SHROOM3: variants seen among roughly 807,000 people sequenced by gnomAD.
SHROOM3 encodes the protein protein Shroom3.
SHROOM3 carries 47 observed loss-of-function variants against 138.6 expected under a neutral mutation model. The ratio of observed to expected loss-of-function variants is 0.34; its 90% CI spans 0.27 to 0.43. The LOEUF is 0.43. Among genes scored for constraint, SHROOM3 ranks in the 20% least tolerant of loss-of-function variants. The pLI is 1.00. For synonymous variants in SHROOM3, 1,062 were observed against 1,063.3 expected, an observed-to-expected ratio of 1.00 and a Z score of 0.02; for missense variants, 2,491 against 2,596.5, an observed-to-expected ratio of 0.96 and a Z score of 0.88.
chr4:76,775,363 C>T (rs1011911768), intron 10 of SHROOM3, among the ~76,000 whole-genome samples: 4 of 146,224 alleles, frequency 2.7e-5, no homozygotes, highest in African/African-American at 1.0e-4. Flanking sequence ...TGTGATACCA[C>T]CTTACTCCTG....
intron 2 of SHROOM3, among the ~76,000 whole-genome samples, chr4:76,663,682 G>A (rs1718604832): frequency 6.6e-6 from 1 of 152,174 alleles, no homozygotes; most frequent in Admixed American, 6.5e-5. Flanking sequence ...GGTGCACACT[G>A]CTGCGCACAG....
chr4:76,522,322 T>C (rs1732583421), intron 1 of SHROOM3, among the ~76,000 whole-genome samples: 1 of 149,808 alleles, frequency 6.7e-6, no homozygotes, highest in Admixed American at 6.7e-5. Flanking sequence ...GTGTAGCTTT[T>C]TTTAGTGTGA....
rs113974332 is a variant in SHROOM3 at position 76,475,270 on chromosome 4, A to G, written c.168+39050A>G. ...AGATTTTGGTTGTGTTTACTAATACATATTTCTGATTTGGAGAACTGGGAA... is the reference window on the plus strand; with the variant it reads ...AGATTTTGGTTGTGTTTACTAATACGTATTTCTGATTTGGAGAACTGGGAA... On this transcript the variant is annotated intron_variant, in intron 1 of 10. Transcript: ENST00000296043. Among the ~76,000 whole-genome samples the G allele has an allele frequency of 1.3e-4, 20 of 152,342 alleles. 1 individual carries two copies. Among genetic ancestry groups the G allele is most frequent in the African/African-American group, 4.6e-4 (19 of 41,574 alleles).
intron 2 of SHROOM3, among the ~76,000 whole-genome samples, chr4:76,607,908 T>G (rs1734656816): frequency 6.6e-6 from 1 of 152,194 alleles, no homozygotes. Flanking sequence ...TTATGAAGGT[T>G]GTTAAAATAT....
intron 2 of SHROOM3, among the ~76,000 whole-genome samples, chr4:76,614,491 A>T (rs867787632): frequency 5.9e-5 from 9 of 151,920 alleles, no homozygotes; most frequent in Non-Finnish European, 1.3e-4. Flanking sequence ...TTTTTATTTT[A>T]CTTTAAATTT....
chr4:76,715,241 A>G (rs2110120052), intron 3 of SHROOM3, among the ~76,000 whole-genome samples: 1 of 152,308 alleles, frequency 6.6e-6, no homozygotes, highest in Admixed American at 6.5e-5. Flanking sequence ...GGATCTTCTC[A>G]CTTATCTATA....
At chr4:76,548,563 C>T (rs1485541400) in intron 1 of SHROOM3, among the ~76,000 whole-genome samples, 1 of 152,210 alleles carries the variant, frequency 6.6e-6, no homozygotes, top group Non-Finnish European at 1.5e-5. Context: ...ACTCTCATCA[C>T]AGTGTATATC....
Position 76,541,527 on chromosome 4 carries a change from G to A in SHROOM3, c.169-14082G>A, listed in dbSNP as rs893288811. Among the ~76,000 whole-genome samples, 9 of 152,160 alleles carry A rather than the reference G, an allele frequency of 5.9e-5. No homozygotes were observed. The South Asian group carries it at 6.2e-4, about 11-fold the overall frequency. The stretch of plus-strand genomic sequence containing the variant: ...TTTGAAGCTGAGTAGAGTTCACTGG[G>A]CTGAGGCATACAATAACGGCAGGGG... On this transcript the variant is annotated intron_variant, in intron 1 of 10. Coordinates refer to ENST00000296043, the MANE Select transcript of SHROOM3 (RefSeq NM_020859.4).
chr4:76,779,391 C>T lies in SHROOM3; in HGVS notation c.*214C>T. On this transcript the variant is annotated 3_prime_UTR_variant, in exon 11 of 11. Transcript: ENST00000296043. ...CTCGAATGCTGCTGGACACGTACCCCTTTCTATTATTACTTTGTAGTAGAA... is the reference window on the plus strand; with the variant it reads ...CTCGAATGCTGCTGGACACGTACCCTTTTCTATTATTACTTTGTAGTAGAA... The T allele has an allele frequency of 1.8e-6, 1 of 559,234 alleles. No individual in the cohort carries two copies. The highest frequency in any genetic ancestry group is 3.1e-6 in the Non-Finnish European group (1 of 323,018). 34.6% of individuals were successfully genotyped at this position (559,234 alleles called of 1,614,324 possible). A position where few individuals can be genotyped will look rare whatever the true frequency, so the allele number is the denominator to read the frequency against.
intron 4 of SHROOM3, 114 bp from the exon 5 acceptor site, chr4:76,738,647 C>T: frequency 1.5e-6 from 2 of 1,309,000 alleles, no homozygotes; most frequent in Non-Finnish European, 2.2e-6. Context: ...TTTACCCACC[C>T]TTCCAAACAC....
intron 2 of SHROOM3, among the ~76,000 whole-genome samples, chr4:76,706,371 C>T (rs991725326): frequency 8.5e-5 from 13 of 152,062 alleles, no homozygotes; most frequent in Non-Finnish European, 1.3e-4. Context: ...CCTCGGCCTC[C>T]GAAAGTGCTG....
At chr4:76,565,879 G>C (rs1050302885) in intron 2 of SHROOM3, among the ~76,000 whole-genome samples, 9 of 152,100 alleles carry the variant, frequency 5.9e-5, no homozygotes, top group African/African-American at 1.7e-4. Context: ...ACTTTGGAAG[G>C]CCGAGGCAGG....
intron 1 of SHROOM3, among the ~76,000 whole-genome samples, chr4:76,529,117 A>G (rs1732775567): frequency 6.6e-6 from 1 of 152,240 alleles, no homozygotes; most frequent in South Asian, 2.1e-4. Flanking sequence ...GTTGGAGCTC[A>G]TGGGGAAGGA....
At chr4:76,643,730 T>A (rs1017877312) in intron 2 of SHROOM3, among the ~76,000 whole-genome samples, 33 of 152,242 alleles carry the variant, frequency 2.2e-4, no homozygotes, top group African/African-American at 8.0e-4. Flanking sequence ...GTATTTGTTA[T>A]AAAAATTCAA....
chr4:76,759,087 T>G (rs1341579441), intron 8 of SHROOM3, among the ~76,000 whole-genome samples: 4 of 152,216 alleles, frequency 2.6e-5, no homozygotes, highest in Non-Finnish European at 5.9e-5. Flanking sequence ...CAACAGTGCA[T>G]AGTAGGCACT....
chr4:76,740,407 C>T lies in SHROOM3; in HGVS notation c.2234C>T (p.Pro745Leu), dbSNP rs765064142. ...FNSTDPSPEE[P>L]PAPSHPHTSS... Reference sequence around the variant, plus strand: ...AGCACAGACCCAAGTCCCGAAGAGCCGCCTGCCCCCTCGCACCCGCACACA... The same window carrying T: ...AGCACAGACCCAAGTCCCGAAGAGCTGCCTGCCCCCTCGCACCCGCACACA... Residue 745 changes from proline (P) to leucine (L), a missense_variant, in exon 5 of 11, where the codon CCG (proline) becomes CTG (leucine). Transcript: ENST00000296043. This position sits in a 1 kb window ranked among gnomAD's most constrained non-coding sequence, Gnocchi z 4.0. The T allele has an allele frequency of 1.1e-5, 17 of 1,613,056 alleles. No individual in the cohort carries two copies. In the South Asian group the frequency reaches 1.3e-4, roughly 13 times the overall value.
intron 1 of SHROOM3, among the ~76,000 whole-genome samples, chr4:76,443,539 A>G (rs1448651534): frequency 6.6e-6 from 1 of 152,220 alleles, no homozygotes; most frequent in African/African-American, 2.4e-5. Context: ...TCTTATCCAA[A>G]GGGCTGCAGT....
At chr4:76,705,059 C>T (rs1453103795) in intron 2 of SHROOM3, among the ~76,000 whole-genome samples, 1 of 152,192 alleles carries the variant, frequency 6.6e-6, no homozygotes, top group Non-Finnish European at 1.5e-5. Context: ...TCCAGTTTCC[C>T]CAGCCTTCCC....
chr4:76,635,058 G>A (rs1372000244), intron 2 of SHROOM3, among the ~76,000 whole-genome samples: 1 of 152,092 alleles, frequency 6.6e-6, no homozygotes, highest in African/African-American at 2.4e-5. Context: ...AAGAGAACGG[G>A]GGGAGATGGG....
Sources: gnomAD v4.1 joint callset for allele counts (sites outside exome capture counted in the v4.1 genomes callset) on GRCh38, gnomAD v4.1.1 for gene constraint, Gnocchi (gnomAD v3.1) non-coding constraint, MANE v1.5 for transcripts, NCBI Gene and HGNC (gene_info 2026-07-23, HGNC 2026-07-21) for gene names.